The following SH3PXD2A variants were observed in gnomAD, a reference collection of about 807,000 sequenced individuals.
SH3PXD2A encodes the protein SH3 and PX domain-containing protein 2A.
A neutral mutation model predicts 115.2 loss-of-function variants in SH3PXD2A; 32 were observed. The ratio of observed to expected loss-of-function variants is 0.28; its 90% CI spans 0.21 to 0.37. The LOEUF is 0.37. Ranked by LOEUF, SH3PXD2A falls within the 10% of genes least tolerant of loss-of-function variation. The probability of loss-of-function intolerance (pLI) is 1.00; values close to 1 mark genes in which losing one functional copy is unlikely to be tolerated. For synonymous variants in SH3PXD2A, 610 were observed against 629.1 expected (o/e 0.97, Z 0.45); for missense variants, 1,328 against 1,498.7 (o/e 0.89, Z 1.88).
Position 103,644,015 on chromosome 10 carries a change from T to G in SH3PXD2A, c.605-16813A>C, listed in dbSNP as rs2036994937. ...CTGTAGTCCCAGCTACTGGGGAGGC[T>G]GAGGTAAGAGAATGGTGTGAACCAC... On this transcript the variant is annotated intron_variant, in intron 8 of 14. Transcript: ENST00000369774. 2.1e-5 allele frequency among the ~76,000 whole-genome samples: 3 copies of G among 145,852 alleles called. No individual in the cohort carries two copies. The Admixed American group carries it at 2.2e-4, about 10-fold the overall frequency.
Position 103,597,390 on chromosome 10 carries a change from TGA to T in SH3PXD2A, c.*4424_*4425del, listed in dbSNP as rs2036151602. On this transcript the variant is annotated 3_prime_UTR_variant, in exon 15 of 15. Transcript: ENST00000369774. ...CAGCCCAAATATCAGGACACTGGGG[TGA>T]GAGAGGGCTGCTGGGAGTCATTTTT... is the stretch of plus-strand genomic sequence containing the variant. 6.6e-6 allele frequency: 1 copy of T among 152,146 alleles called. No homozygotes were observed. The highest frequency in any genetic ancestry group is 6.5e-5 in the Admixed American group (1 of 15,278). The allele number at this position is 152,146 out of a possible 1,614,324, so 9.4% of individuals were successfully genotyped here. A position where few individuals can be genotyped will look rare whatever the true frequency, so the allele number is the denominator to read the frequency against.
At chr10:103,775,573 T>C (rs7093473) in intron 2 of SH3PXD2A, among the ~76,000 whole-genome samples, 20,961 of 152,148 alleles carry the variant, frequency 0.14, 1,773 homozygotes, top group African/African-American at 0.22. Flanking sequence ...GGACTTATGC[T>C]CGGCAGTGGG....
At chr10:103,606,176 CTATCATCATCAT>C (rs1347424801) in intron 13 of SH3PXD2A, among the ~76,000 whole-genome samples, 1 of 113,778 alleles carries the variant, frequency 8.8e-6, no homozygotes, top group African/African-American at 3.4e-5. Context: ...ATTACTATTA[CTATCATCATCAT>C]CATCATCATC....
chr10:103,616,476 G>C (rs568656486), intron 11 of SH3PXD2A, among the ~76,000 whole-genome samples: 10 of 152,238 alleles, frequency 6.6e-5, no homozygotes, highest in Admixed American at 3.9e-4. Flanking sequence ...GCCAGGTAAT[G>C]GTGAGTGAAA....
At chr10:103,767,689 T>C (rs1384768032) in intron 2 of SH3PXD2A, among the ~76,000 whole-genome samples, 1 of 149,020 alleles carries the variant, frequency 6.7e-6, no homozygotes, top group Non-Finnish European at 1.5e-5. Flanking sequence ...TCCATCCCAT[T>C]GCCCCTGCTG....
At chr10:103,608,775 C>T (rs1295480404) in intron 13 of SH3PXD2A, 1 of 152,178 alleles carries the variant, frequency 6.6e-6, no homozygotes, top group African/African-American at 2.4e-5. Flanking sequence ...GCACAAAATG[C>T]TCATTATTAA....
intron 10 of SH3PXD2A, 90 bp downstream of exon 10, chr10:103,622,380 G>C (rs1009872601): frequency 2.4e-6 from 2 of 850,242 alleles, no homozygotes; most frequent in Non-Finnish European, 3.8e-6. Flanking sequence ...GGAGGCCACA[G>C]GGCAGAGAGC....
At chr10:103,659,102 C>T (rs530742369) in intron 8 of SH3PXD2A, among the ~76,000 whole-genome samples, 29 of 152,346 alleles carry the variant, frequency 1.9e-4, no homozygotes, top group African/African-American at 7.0e-4. Context: ...TTTGTCAAGG[C>T]TCCTTCCCCC....
chr10:103,602,143 G>A lies in SH3PXD2A; in HGVS notation c.3075C>T (p.Ala1025=), dbSNP rs3781364. ...NSSFSTARSA[A]AEAKGRLAER... ...CGGCCAGGCGGCCCTTGGCCTCGGC[G>A]GCAGCGGAGCGAGCAGTGCTAAAGG... Residue 1025 remains alanine, a synonymous_variant, in exon 15 of 15, where the codon GCC becomes GCT. Coordinates refer to ENST00000369774, the MANE Select transcript of SH3PXD2A (RefSeq NM_001394015.1). 164 of 1,577,328 alleles carry A rather than the reference G, an allele frequency of 1.0e-4. 1 individual carries two copies. The East Asian group carries it at 3.1e-3, about 30-fold the overall frequency.
intron 3 of SH3PXD2A, chr10:103,736,756 G>C: frequency 5.4e-6 from 7 of 1,288,950 alleles, no homozygotes; most frequent in Non-Finnish European, 7.1e-6. Flanking sequence ...GGGCCCATGA[G>C]CTTGGCACAT....
intron 4 of SH3PXD2A, among the ~76,000 whole-genome samples, chr10:103,728,105 GTCAGGGCCTCAGAGCC>G (rs965625966): frequency 3.9e-5 from 6 of 152,196 alleles, no homozygotes; most frequent in East Asian, 1.9e-4. Flanking sequence ...TGGTGGTAAA[GTCAGGGCCTCAGAGCC>G]TCAGGGCCTC....
intron 2 of SH3PXD2A, among the ~76,000 whole-genome samples, chr10:103,779,036 A>C (rs2038907441): frequency 6.6e-6 from 1 of 152,156 alleles, no homozygotes; most frequent in African/African-American, 2.4e-5. Flanking sequence ...TCTCCCCAGG[A>C]GTCACAGAAC....
chr10:103,712,051 TAA>T (rs1010543291), intron 5 of SH3PXD2A, among the ~76,000 whole-genome samples: 9 of 137,228 alleles, frequency 6.6e-5, no homozygotes, highest in Non-Finnish European at 7.9e-5. Context: ...GTCTCAAAAT[TAA>T]AAAAAAAAAA....
chr10:103,724,532 A>G (rs775024714), intron 4 of SH3PXD2A, among the ~76,000 whole-genome samples, 171 bp from the exon 5 acceptor site: 2 of 152,140 alleles, frequency 1.3e-5, no homozygotes, highest in Non-Finnish European at 2.9e-5. Flanking sequence ...CAACAAATCA[A>G]CCAATCAAAT....
At chr10:103,783,028 G>A (rs1589452821) in intron 2 of SH3PXD2A, among the ~76,000 whole-genome samples, 1 of 152,018 alleles carries the variant, frequency 6.6e-6, no homozygotes, top group Non-Finnish European at 1.5e-5. Context: ...GGAAGGGACT[G>A]CAGGCAGAGG....
chr10:103,629,739 C>T (rs1171596258), intron 8 of SH3PXD2A, among the ~76,000 whole-genome samples: 1 of 152,188 alleles, frequency 6.6e-6, no homozygotes. Context: ...TTCCCTTGAC[C>T]CAGGAAAAGC....
rs761098740 is a variant in SH3PXD2A at position 103,603,560 on chromosome 10, T to C, written c.1658A>G (p.Tyr553Cys). The C allele has an allele frequency of 1.2e-6, 2 of 1,612,486 alleles. No individual in the cohort carries two copies. Among genetic ancestry groups the C allele is most frequent in the Non-Finnish European group, 1.7e-6 (2 of 1,179,188 alleles). Residue 553 changes from tyrosine (Y) to cysteine (C), a missense_variant, in exon 15 of 15, where the codon TAT (tyrosine) becomes TGT (cysteine). Physicochemically the swap from Tyr to Cys is radical, Grantham distance 194. This residue lies in a region of SH3PXD2A where 509 missense variants were observed against 628.3 expected (regional missense o/e 0.81). Coordinates refer to ENST00000369774, the MANE Select transcript of SH3PXD2A (RefSeq NM_001394015.1). ...AGGGATGTCATACTCAGGCTCCTCA[T>C]ACTTGAGCTTCCGCGGGGAGTCCTG... ...ESQDSPRKLK[Y>C]EEPEYDIPAF...
At chr10:103,701,718 T>C (rs62649703) in intron 5 of SH3PXD2A, among the ~76,000 whole-genome samples, 6 of 86,274 alleles carry the variant, frequency 7.0e-5, no homozygotes, top group African/African-American at 1.9e-4. Flanking sequence ...ATCCATCATT[T>C]ATCCATCCAT....
At chr10:103,649,683 A>C (rs1339911156) in intron 8 of SH3PXD2A, among the ~76,000 whole-genome samples, 1 of 152,270 alleles carries the variant, frequency 6.6e-6, no homozygotes, top group African/African-American at 2.4e-5. Flanking sequence ...GCAGCAGCTC[A>C]AGATGCTGCT....
Sources: allele counts gnomAD v4.1 joint callset (sites outside exome capture counted in the v4.1 genomes callset), GRCh38; gene constraint gnomAD v4.1.1; regional missense constraint gnomAD v4.1.1; transcripts MANE v1.5; gene names NCBI Gene and HGNC (gene_info 2026-07-23, HGNC 2026-07-21).